MEX3D: variants seen among roughly 807,000 people sequenced by gnomAD.
MEX3D encodes the protein RNA-binding protein MEX3D.
In MEX3D, 4 loss-of-function variants were observed where a neutral mutation model predicts 6.3. The ratio of observed to expected loss-of-function variants is 0.64; its 90% CI spans 0.31 to 1.46. The LOEUF (loss-of-function observed/expected upper bound fraction) is 1.46, where lower values mean the gene tolerates loss of function less well. MEX3D is among the 40% of genes most tolerant of loss of function. The pLI is 0.07. For synonymous variants in MEX3D, 626 were observed against 494.1 expected (o/e 1.27, Z -3.54); for missense variants, 1,038 against 994.4 (o/e 1.04, Z -0.59).
At chr19:1,564,495 T>C (rs1914791822) in intron 1 of MEX3D, among the ~76,000 whole-genome samples, 1 of 144,662 alleles carries the variant, frequency 6.9e-6, no homozygotes, top group Non-Finnish European at 1.5e-5. Context: ...ATCGTGCCAT[T>C]GCACTCCAGC....
chr19:1,558,841 T>TG (rs1208777661), intron 1 of MEX3D, among the ~76,000 whole-genome samples: 1 of 152,168 alleles, frequency 6.6e-6, no homozygotes, highest in African/African-American at 2.4e-5. Context: ...TTGGCTGGGC[T>TG]GGGGGTCTGA....
Position 1,555,985 on chromosome 19 carries a change from G to C in MEX3D, c.1534C>G (p.Arg512Gly). Residue 512 changes from arginine to glycine, a missense_variant, in exon 2 of 2, where the codon CGC becomes GGC. Physicochemically the swap from Arg to Gly is moderately radical, Grantham distance 125 (BLOSUM62 -2). Around this residue, in one of 5 missense-constraint regions of MEX3D, gnomAD observed 581 missense variants for 516.2 expected, o/e 1.13. Transcript: ENST00000402693. ...ARRSSGAGTP[R>G]HSPTLPEPGG... ...GGCTCGGGCAGCGTGGGCGAGTGGC[G>C]GGGGGTCCCGGCCCCACTGCTGCGC... The C allele has an allele frequency of 1.7e-6, 2 of 1,175,280 alleles. No individual in the cohort carries two copies. The highest frequency in any genetic ancestry group is 1.1e-6 in the Non-Finnish European group (1 of 950,536). 72.8% of individuals were successfully genotyped at this position (1,175,280 alleles called of 1,614,324 possible).
Position 1,568,064 on chromosome 19 carries a change from G to T in MEX3D, c.-6C>A. ...TGGCCGAGCGAGCTGGGCATGGCGG[G>T]AGCTAGCGCTGGGGCCCGCGCTCCT... On this transcript the variant is annotated 5_prime_UTR_variant, in exon 1 of 2. Coordinates refer to ENST00000402693, the MANE Select transcript of MEX3D (RefSeq NM_203304.4). The T allele has an allele frequency of 1.0e-6, 1 of 979,132 alleles. No individual in the cohort carries two copies. The highest frequency in any genetic ancestry group is 4.5e-5 in the South Asian group (1 of 22,006). 60.7% of individuals were successfully genotyped at this position (979,132 alleles called of 1,614,324 possible).
chr19:1,557,798 G>A (rs1480285470), intron 1 of MEX3D, among the ~76,000 whole-genome samples: 4 of 133,516 alleles, frequency 3.0e-5, no homozygotes, highest in African/African-American at 5.6e-5. Context: ...GGCAGAGACT[G>A]CAGTGAGCCG....
In MEX3D at chr19:1,568,193, G is replaced by A. The variant is rs1914906338; in HGVS notation, c.-135C>T. 1 of 606,928 alleles carries A rather than the reference G, an allele frequency of 1.6e-6. No individual in the cohort carries two copies. Among genetic ancestry groups the A allele is most frequent in the Non-Finnish European group, 2.0e-6 (1 of 490,310 alleles). 37.6% of individuals were successfully genotyped at this position (606,928 alleles called of 1,614,324 possible). On this transcript the variant is annotated 5_prime_UTR_variant, in exon 1 of 2. Transcript: ENST00000402693. Reference sequence around the variant, plus strand: ...GGGGGCGGGCACGGGGGGCCGGGCGGGCGGGGCGGCGGCGGCGCGGGGCTG... The same window carrying A: ...GGGGGCGGGCACGGGGGGCCGGGCGAGCGGGGCGGCGGCGGCGCGGGGCTG...
Position 1,567,320 on chromosome 19 carries a change from G to T in MEX3D, c.595+144C>A. ...GCGGCTGCAGGACAAAGGCGCAAAG[G>T]CAGCGGCCGAGGCCGGAGCCCACGC... On this transcript the variant is annotated intron_variant, in intron 1 of 1. Transcript: ENST00000402693. This position sits in a 1 kb window ranked among gnomAD's most constrained non-coding sequence, Gnocchi z 6.5. 2.1e-6 allele frequency: 2 copies of T among 958,028 alleles called. No individual in the cohort carries two copies. Among genetic ancestry groups the T allele is most frequent in the Non-Finnish European group, 2.8e-6 (2 of 720,670 alleles). 59.3% of individuals were successfully genotyped at this position (958,028 alleles called of 1,614,324 possible). A position where few individuals can be genotyped will look rare whatever the true frequency, so the allele number is the denominator to read the frequency against.
At chr19:1,561,294 G>A (rs1389891526) in intron 1 of MEX3D, among the ~76,000 whole-genome samples, 1 of 152,142 alleles carries the variant, frequency 6.6e-6, no homozygotes, top group African/African-American at 2.4e-5. Context: ...GCCATGGCAG[G>A]AAGGGGAATG....
chr19:1,567,400 C>A lies in MEX3D; in HGVS notation c.595+64G>T. The A allele has an allele frequency of 6.8e-7, 1 of 1,479,412 alleles. No homozygotes were observed. Among genetic ancestry groups the A allele is most frequent in the South Asian group, 1.3e-5 (1 of 76,942 alleles). 91.6% of individuals were successfully genotyped at this position (1,479,412 alleles called of 1,614,324 possible). On this transcript the variant is annotated intron_variant, in intron 1 of 1. Coordinates refer to ENST00000402693, the MANE Select transcript of MEX3D (RefSeq NM_203304.4). This position sits in a 1 kb window ranked among gnomAD's most constrained non-coding sequence, Gnocchi z 6.5. ...CGGGCTGGGCTGGGCTCGGGCGACCCCCTTCCCCGGGGCGGACGGTGCGGG... is the reference window on the plus strand; with the variant it reads ...CGGGCTGGGCTGGGCTCGGGCGACCACCTTCCCCGGGGCGGACGGTGCGGG...
intron 1 of MEX3D, among the ~76,000 whole-genome samples, chr19:1,558,187 C>G (rs12971605): frequency 0.13 from 20,021 of 151,514 alleles, 1,745 homozygotes; most frequent in Middle Eastern, 0.26. Flanking sequence ...CAGCAGGACC[C>G]CATCTCTACT....
In MEX3D at chr19:1,555,149, C is replaced by T; in HGVS notation, c.*414G>A. 4.1e-6 allele frequency: 2 copies of T among 485,406 alleles called. No homozygotes were observed. The highest frequency in any genetic ancestry group is 6.7e-6 in the Non-Finnish European group (2 of 299,290). 30.1% of individuals were successfully genotyped at this position (485,406 alleles called of 1,614,324 possible). ...GTCTGTGCGGCCTGAGACCGGCCGG[C>T]GAGAAAAGTCAAATCAGAAAACGGC... On this transcript the variant is annotated 3_prime_UTR_variant, in exon 2 of 2. Coordinates refer to ENST00000402693, the MANE Select transcript of MEX3D (RefSeq NM_203304.4).
rs1042156929 is a variant in MEX3D at position 1,555,186 on chromosome 19, G to C, written c.*377C>G. ...AATCAGAAAACGGCTTCGGACGAAA[G>C]GAAAAAACGCTGAGCGCTGGAAAAG... On this transcript the variant is annotated 3_prime_UTR_variant, in exon 2 of 2. Coordinates refer to ENST00000402693, the MANE Select transcript of MEX3D (RefSeq NM_203304.4). 21 of 811,114 alleles carry C rather than the reference G, an allele frequency of 2.6e-5. No individual in the cohort carries two copies. The highest frequency in any genetic ancestry group is 3.6e-5 in the Non-Finnish European group (21 of 585,654). 50.2% of individuals were successfully genotyped at this position (811,114 alleles called of 1,614,324 possible).
chr19:1,554,743 T>C lies in MEX3D; in HGVS notation c.*820A>G, dbSNP rs1401722179. 2.6e-5 allele frequency: 4 copies of C among 152,478 alleles called. No individual in the cohort carries two copies. The highest frequency in any genetic ancestry group is 5.9e-5 in the Non-Finnish European group (4 of 68,028). The allele number at this position is 152,478 out of a possible 1,614,324, so 9.4% of individuals were successfully genotyped here. ...AATAAAACTCTTGATACAATTTTTT[T>C]AACCCTTAAATCAGCTCAGCAAATA... On this transcript the variant is annotated 3_prime_UTR_variant, in exon 2 of 2. Coordinates refer to ENST00000402693, the MANE Select transcript of MEX3D (RefSeq NM_203304.4).
chr19:1,558,147 C>T lies in MEX3D; in HGVS notation c.596-1224G>A, dbSNP rs191340756. On this transcript the variant is annotated intron_variant, in intron 1 of 1. Coordinates refer to ENST00000402693, the MANE Select transcript of MEX3D (RefSeq NM_203304.4). ...ATCTGAGGCAGGAGGATCACTGGAG[C>T]CCAGGAGTTTGAGACCAGCCTGGGC... Among the ~76,000 whole-genome samples, 222 of 151,398 alleles carry T rather than the reference C, an allele frequency of 1.5e-3. 2 individuals carry two copies. The highest frequency in any genetic ancestry group is 5.0e-3 in the African/African-American group (208 of 41,262).
Position 1,567,080 on chromosome 19 carries a change from C to T in MEX3D, c.595+384G>A, listed in dbSNP as rs1444838703. On this transcript the variant is annotated intron_variant, in intron 1 of 1. Transcript: ENST00000402693. The surrounding 1 kb of genome is among the most constrained non-coding windows in gnomAD (Gnocchi z 6.5). ...CACCCCTAAACCTGCGCTTGCCCCGCCCCGCCGCCTGTGCTGGGTGTGGGG... is the reference window on the plus strand; with the variant it reads ...CACCCCTAAACCTGCGCTTGCCCCGTCCCGCCGCCTGTGCTGGGTGTGGGG... Among the ~76,000 whole-genome samples, 1 of 152,124 alleles carries T rather than the reference C, an allele frequency of 6.6e-6. No homozygotes were observed. The highest frequency in any genetic ancestry group is 1.5e-5 in the Non-Finnish European group (1 of 67,976).
At chr19:1,561,221 T>C (rs1914709245) in intron 1 of MEX3D, among the ~76,000 whole-genome samples, 1 of 152,136 alleles carries the variant, frequency 6.6e-6, no homozygotes, top group Non-Finnish European at 1.5e-5. Context: ...CACTACGACT[T>C]ACCAATGAAA....
chr19:1,556,298 C>A lies in MEX3D; in HGVS notation c.1221G>T (p.Ala407=). Residue 407 remains alanine, a synonymous_variant, in exon 2 of 2, where the codon GCG becomes GCT. Transcript: ENST00000402693. The surrounding 1 kb of genome is among the most constrained non-coding windows in gnomAD (Gnocchi z 7.5). The stretch of plus-strand genomic sequence containing the variant: ...GCACGGAGGGGCCGCCGCGGCTGCC[C>A]GCGTAGAAGGCCTCGGGGGCGCTGG... ...GAPSAPEAFY[A]GSRGGPSVPD... is the part of the protein sequence containing the mutation. 2 of 1,283,918 alleles carry A rather than the reference C, an allele frequency of 1.6e-6. No individual in the cohort carries two copies. The highest frequency in any genetic ancestry group is 2.0e-6 in the Non-Finnish European group (2 of 1,018,220). 79.5% of individuals were successfully genotyped at this position (1,283,918 alleles called of 1,614,324 possible).
At position 1,555,441 on chromosome 19, in the gene MEX3D, C is replaced by CT. The variant is rs1914498727; in HGVS notation, c.*121dup. The CT allele has an allele frequency of 1.4e-6, 2 of 1,405,834 alleles. No individual in the cohort carries two copies. The highest frequency in any genetic ancestry group is 1.9e-6 in the Non-Finnish European group (2 of 1,043,598). The allele number at this position is 1,405,834 out of a possible 1,614,324, so 87.1% of individuals were successfully genotyped here. ...TAAACACTGGCCGCCGCCCACCCCC[C>CT]TGCCCCCTCGGCCTCCGCCCCTCGC... On this transcript the variant is annotated 3_prime_UTR_variant, in exon 2 of 2. Coordinates refer to ENST00000402693, the MANE Select transcript of MEX3D (RefSeq NM_203304.4).
Position 1,567,393 on chromosome 19 carries a change from G to A in MEX3D, c.595+71C>T, listed in dbSNP as rs1316302382. 3 of 1,456,344 alleles carry A rather than the reference G, an allele frequency of 2.1e-6. No individual in the cohort carries two copies. The highest frequency in any genetic ancestry group is 2.7e-6 in the Non-Finnish European group (3 of 1,107,632). 90.2% of individuals were successfully genotyped at this position (1,456,344 alleles called of 1,614,324 possible). A position where few individuals can be genotyped will look rare whatever the true frequency, so the allele number is the denominator to read the frequency against. On this transcript the variant is annotated intron_variant, in intron 1 of 1. Coordinates refer to ENST00000402693, the MANE Select transcript of MEX3D (RefSeq NM_203304.4). This position sits in a 1 kb window ranked among gnomAD's most constrained non-coding sequence, Gnocchi z 6.5. ...TCCGGCGCGGGCTGGGCTGGGCTCG[G>A]GCGACCCCCTTCCCCGGGGCGGACG...
In MEX3D at chr19:1,556,971, C is replaced by G; in HGVS notation, c.596-48G>C. On this transcript the variant is annotated intron_variant, in intron 1 of 1. Transcript: ENST00000402693. The surrounding 1 kb of genome is among the most constrained non-coding windows in gnomAD (Gnocchi z 7.5). ...ACAAGGTGACCCAGAGCCCCCTGCG[C>G]AGCTCAGCCCCGCTGGGCATGCAGG... 1 of 1,534,340 alleles carries G rather than the reference C, an allele frequency of 6.5e-7. No individual in the cohort carries two copies.
Sources: allele counts gnomAD v4.1 joint callset (sites outside exome capture counted in the v4.1 genomes callset), GRCh38; gene constraint gnomAD v4.1.1; regional missense constraint gnomAD v4.1.1; non-coding constraint Gnocchi (gnomAD v3.1); transcripts MANE v1.5; gene names NCBI Gene and HGNC (gene_info 2026-07-23, HGNC 2026-07-21).